HUWE1: variants seen among roughly 807,000 people sequenced by gnomAD.
HUWE1 encodes E3 ubiquitin-protein ligase HUWE1.
A neutral mutation model predicts 299.4 loss-of-function variants in HUWE1; 18 were observed. The observed-to-expected ratio is 0.06, with a 90% CI of 0.04 to 0.09. The LOEUF (loss-of-function observed/expected upper bound fraction) is 0.09. Among genes scored for constraint, HUWE1 ranks in the 10% least tolerant of loss-of-function variants. The probability of loss-of-function intolerance (pLI) is 1.00; values close to 1 mark genes in which losing one functional copy is unlikely to be tolerated. For synonymous variants in HUWE1, 1,317 were observed against 1,286.1 expected (o/e 1.02, Z -0.51); for missense variants, 1,832 against 3,462.3 (o/e 0.53, Z 11.82).
At chrX:53,685,513 T>C (rs1462541601) in intron 2 of HUWE1, among the ~76,000 whole-genome samples, 2 of 112,513 alleles carry the variant, frequency 1.8e-5, no homozygotes, top group Non-Finnish European at 3.8e-5. Flanking sequence ...TTATTGCTTA[T>C]AGATAGGAAA....
rs782249252 is a variant in HUWE1 at position 53,535,221 on chromosome X, C to T, written c.12649+163G>A. Among the ~76,000 whole-genome samples, 9 of 112,236 alleles carry T rather than the reference C, an allele frequency of 8.0e-5. No individual in the cohort carries two copies. The South Asian group carries it at 2.6e-3, about 32-fold the overall frequency. ...AAGTGCTGGGATTATAGGTGTGAGC[C>T]ACCGTGCCCAAAGTTAAGTATTTTT... On this transcript the variant is annotated intron_variant, in intron 81 of 83. Coordinates refer to ENST00000262854, the MANE Select transcript of HUWE1 (RefSeq NM_031407.7).
chrX:53,676,042 C>A (rs1339824922), intron 3 of HUWE1, among the ~76,000 whole-genome samples: 1 of 111,195 alleles, frequency 9.0e-6, no homozygotes, highest in African/African-American at 3.3e-5. Flanking sequence ...AAGTCTCAGA[C>A]CCAAAATAAC....
rs782279206 is a variant in HUWE1 at position 53,645,428 on chromosome X, T to G, written c.387A>C (p.Gln129His). The change falls in exon 7 of 84, where the codon CAA (glutamine) becomes CAC (histidine). Residue 129 changes from glutamine to histidine, a missense_variant. By Grantham distance (24) the Gln-to-His change is conservative. Coordinates refer to ENST00000262854, the MANE Select transcript of HUWE1 (RefSeq NM_031407.7). Reference sequence around the variant, plus strand: ...GGAGATTGAGGACTGCCAGCACCACTTGCATATCAGAGGAAGCCAATAAAG... The same window carrying G: ...GGAGATTGAGGACTGCCAGCACCACGTGCATATCAGAGGAAGCCAATAAAG... ...LTTLLASSDM[Q>H]VVLAVLNLLY... 2.5e-6 allele frequency: 3 copies of G among 1,210,165 alleles called. No homozygotes were observed. Among genetic ancestry groups the G allele is most frequent in the Non-Finnish European group, 2.2e-6 (2 of 894,861 alleles).
intron 31 of HUWE1, 60 bp from the exon 32 acceptor site, chrX:53,593,661 T>G: frequency 1.1e-6 from 1 of 921,352 alleles, no homozygotes; most frequent in Non-Finnish European, 1.6e-6. Context: ...CAAGGGGGGT[T>G]TACATCTAAA....
intron 12 of HUWE1, 62 bp from the exon 13 acceptor site, chrX:53,629,678 C>T: frequency 1.3e-6 from 1 of 746,412 alleles, no homozygotes; most frequent in African/African-American, 2.1e-5. Flanking sequence ...TGCCCAATAA[C>T]AAACTTTTTG....
intron 7 of HUWE1, among the ~76,000 whole-genome samples, chrX:53,642,941 GCAGA>G (rs782005270): frequency 8.9e-6 from 1 of 112,342 alleles, no homozygotes; most frequent in Non-Finnish European, 1.9e-5. Context: ...AATTTTGTAT[GCAGA>G]CCAGCTGCTT....
intron 53 of HUWE1, 100 bp from the exon 54 acceptor site, chrX:53,562,344 A>T (rs782287504): frequency 3.9e-6 from 4 of 1,029,021 alleles, no homozygotes; most frequent in East Asian, 6.6e-5. Context: ...GGGATATCTG[A>T]CTCTATGAGA....
chrX:53,607,713 A>AT lies in HUWE1; in HGVS notation c.2320-15dup, dbSNP rs1556998064. 1.7e-6 allele frequency: 2 copies of AT among 1,152,878 alleles called. No homozygotes were observed. Among genetic ancestry groups the AT allele is most frequent in the Non-Finnish European group, 2.4e-6 (2 of 846,398 alleles). ...CACAAATTTCATCTAGGTAATAAAA[A>AT]TTTTTTAAAGAAGTTAGAGCCTGAC... On this transcript the variant is annotated splice_polypyrimidine_tract_variant and intron_variant, in intron 24 of 83. Coordinates refer to ENST00000262854, the MANE Select transcript of HUWE1 (RefSeq NM_031407.7).
intron 21 of HUWE1, among the ~76,000 whole-genome samples, 170 bp from the exon 22 acceptor site, chrX:53,616,005 T>C (rs2065778997): frequency 9.0e-6 from 1 of 111,366 alleles, no homozygotes; most frequent in Non-Finnish European, 1.9e-5. Context: ...CACGATCTCC[T>C]GGACTCAAGC....
At chrX:53,606,515 A>C (rs1277742281) in intron 25 of HUWE1, among the ~76,000 whole-genome samples, 1 of 112,143 alleles carries the variant, frequency 8.9e-6, no homozygotes, top group African/African-American at 3.2e-5. Flanking sequence ...AAAGAGTTAC[A>C]TGTACATCCA....
intron 29 of HUWE1, among the ~76,000 whole-genome samples, chrX:53,596,178 G>A (rs1308704991): frequency 8.9e-6 from 1 of 111,732 alleles, no homozygotes; most frequent in South Asian, 3.7e-4. Flanking sequence ...AGAAGGGCTA[G>A]GTCTGAATCA....
chrX:53,626,349 T>C (rs1451103165), intron 17 of HUWE1, among the ~76,000 whole-genome samples: 3 of 110,156 alleles, frequency 2.7e-5, no homozygotes, highest in African/African-American at 1.0e-4. Flanking sequence ...CAATTTCATA[T>C]ACTACTAGTT....
intron 2 of HUWE1, among the ~76,000 whole-genome samples, chrX:53,682,027 A>G (rs1482557817): frequency 1.8e-5 from 2 of 111,863 alleles, no homozygotes; most frequent in African/African-American, 6.5e-5. Flanking sequence ...GAAAAAAAAT[A>G]TAAACGTTAT....
At chrX:53,605,450 T>C (rs2065096441) in intron 25 of HUWE1, among the ~76,000 whole-genome samples, 1 of 112,125 alleles carries the variant, frequency 8.9e-6, no homozygotes, top group Non-Finnish European at 1.9e-5. Context: ...CTCTCTGTGA[T>C]GAAGAGCATT....
Position 53,588,492 on chromosome X carries a change from G to A in HUWE1, c.4504C>T (p.Leu1502=). 1 of 1,206,938 alleles carries A rather than the reference G, an allele frequency of 8.3e-7. No homozygotes were observed. Among genetic ancestry groups the A allele is most frequent in the Middle Eastern group, 2.3e-4 (1 of 4,347 alleles). The change falls in exon 37 of 84, where the codon CTG becomes TTG. Residue 1502 remains leucine (L), a synonymous_variant. Transcript: ENST00000262854. ...ACGGTTTTTGTGTCACTTGTTGTCAGGGGAAGAGCAGCTTTGATCAATACA... is the reference window on the plus strand; with the variant it reads ...ACGGTTTTTGTGTCACTTGTTGTCAAGGGAAGAGCAGCTTTGATCAATACA... ...ADVLIKAALP[L]TTSDTKTVSE...
intron 2 of HUWE1, among the ~76,000 whole-genome samples, chrX:53,682,774 C>A (rs1049362625): frequency 3.6e-5 from 4 of 111,044 alleles, no homozygotes; most frequent in African/African-American, 6.6e-5. Context: ...GGAAAAGGGG[C>A]GGTTCCCAGG....
At chrX:53,628,342 C>T in intron 15 of HUWE1, 151 bp downstream of exon 15, 2 of 555,206 alleles carry the variant, frequency 3.6e-6, no homozygotes, top group Non-Finnish European at 5.7e-6. Context: ...AACTAGAAAG[C>T]CAAACTGGCC....
intron 49 of HUWE1, among the ~76,000 whole-genome samples, chrX:53,566,543 G>A (rs1164908161): frequency 3.6e-5 from 4 of 110,853 alleles, no homozygotes; most frequent in Non-Finnish European, 7.6e-5. Flanking sequence ...ATTACAAAGT[G>A]GAAATCTAAC....
chrX:53,552,939 G>C, intron 61 of HUWE1, 46 bp from the exon 62 acceptor site: 1 of 1,198,045 alleles, frequency 8.3e-7, no homozygotes. Context: ...TCTGGAACCG[G>C]GGCAAAATGA....
Sources: gnomAD v4.1 joint callset for allele counts (sites outside exome capture counted in the v4.1 genomes callset) on GRCh38, gnomAD v4.1.1 for gene constraint, MANE v1.5 for transcripts, NCBI Gene and HGNC (gene_info 2026-07-23, HGNC 2026-07-21) for gene names.